NAV2: variants seen among roughly 807,000 people sequenced by gnomAD.
The protein encoded by NAV2 is neuron navigator 2.
In NAV2, 54 loss-of-function variants were observed where a neutral mutation model predicts 223.2. The observed-to-expected ratio is 0.24, with a 90% CI of 0.19 to 0.30. NAV2 has a LOEUF of 0.30. Among genes scored for constraint, NAV2 ranks in the 10% least tolerant of loss-of-function variants. The pLI, the probability that NAV2 is intolerant of heterozygous loss-of-function variation, is 1.00. For synonymous variants in NAV2, 1,279 were observed against 1,239.3 expected, an observed-to-expected ratio of 1.03 and a Z score of -0.67; for missense variants, 2,806 against 3,147.5, an observed-to-expected ratio of 0.89 and a Z score of 2.60.
At chr11:19,728,128 A>G (rs2051402710) in intron 1 of NAV2, among the ~76,000 whole-genome samples, 1 of 152,182 alleles carries the variant, frequency 6.6e-6, no homozygotes, top group African/African-American at 2.4e-5. Context: ...GTTTGCATGC[A>G]CATGCGTCGA....
At chr11:19,752,095 TCAAA>T (rs1438750469) in intron 1 of NAV2, among the ~76,000 whole-genome samples, 1 of 152,118 alleles carries the variant, frequency 6.6e-6, no homozygotes, top group Non-Finnish European at 1.5e-5. Flanking sequence ...AGATAATAGA[TCAAA>T]CATTTTCAGA....
intron 5 of NAV2, among the ~76,000 whole-genome samples, chr11:19,881,520 A>T (rs2063203814): frequency 1.3e-5 from 2 of 152,096 alleles, no homozygotes. Context: ...GTGGGGGGAA[A>T]ATATTGGGAG....
At chr11:19,886,276 G>T (rs560127627) in intron 5 of NAV2, among the ~76,000 whole-genome samples, 1 of 152,068 alleles carries the variant, frequency 6.6e-6, no homozygotes, top group African/African-American at 2.4e-5. Flanking sequence ...CTGAGCTGCC[G>T]AACCTAGAGT....
At chr11:19,500,533 T>G (rs796863844) in intron 1 of NAV2, among the ~76,000 whole-genome samples, 1 of 152,190 alleles carries the variant, frequency 6.6e-6, no homozygotes, top group Non-Finnish European at 1.5e-5. Context: ...TTTTTTAAAT[T>G]TACTTTTATC....
intron 1 of NAV2, among the ~76,000 whole-genome samples, chr11:19,650,840 T>C (rs2047951046): frequency 6.6e-6 from 1 of 152,194 alleles, no homozygotes; most frequent in African/African-American, 2.4e-5. Flanking sequence ...TACAGAATAA[T>C]TCCATCTGTA....
At chr11:19,443,467 A>C (rs1455930733) in intron 1 of NAV2, among the ~76,000 whole-genome samples, 3 of 152,188 alleles carry the variant, frequency 2.0e-5, no homozygotes, top group Non-Finnish European at 2.9e-5. Context: ...TGTCCTTGCA[A>C]ATCTTTTGCA....
chr11:19,485,475 A>T (rs1390621922), intron 1 of NAV2, among the ~76,000 whole-genome samples: 1 of 152,176 alleles, frequency 6.6e-6, no homozygotes, highest in Non-Finnish European at 1.5e-5. Flanking sequence ...TGACTGAGGG[A>T]CATTTAAAGG....
chr11:19,886,786 C>T lies in NAV2; in HGVS notation c.771-5648C>T, dbSNP rs191489806. ...GAGAGGAAGCACTGGAAGATGAGGG[C>T]GTGTCAACCCTGTCCTGAGGCTGGG... On this transcript the variant is annotated intron_variant, in intron 5 of 37. Transcript: ENST00000349880. Among the ~76,000 whole-genome samples, 202 of 152,294 alleles carry T rather than the reference C, an allele frequency of 1.3e-3. 5 individuals carry two copies. In the East Asian group the frequency reaches 0.032, roughly 24 times the overall value.
At chr11:20,012,226 A>G (rs1262188499) in intron 11 of NAV2, among the ~76,000 whole-genome samples, 1 of 152,250 alleles carries the variant, frequency 6.6e-6, no homozygotes, top group Non-Finnish European at 1.5e-5. Flanking sequence ...TTGAATGAGA[A>G]CATTTATCTT....
intron 11 of NAV2, among the ~76,000 whole-genome samples, chr11:20,018,499 T>C (rs988722803): frequency 6.6e-6 from 1 of 152,222 alleles, no homozygotes; most frequent in African/African-American, 2.4e-5. Flanking sequence ...TGTATCTTTT[T>C]TCTTATGGAG....
At position 20,044,103 on chromosome 11, in the gene NAV2, G is replaced by A; in HGVS notation, c.3030G>A (p.Arg1010=). 2.5e-6 allele frequency: 4 copies of A among 1,614,214 alleles called. No homozygotes were observed. The highest frequency in any genetic ancestry group is 3.4e-6 in the Non-Finnish European group (4 of 1,180,044). Reference sequence around the variant, plus strand: ...TGGAGCCAGGTTCCAAGTGGAGGCGGAATCCTTCTGATGTGTCTGACGAGT... The same window carrying A: ...TGGAGCCAGGTTCCAAGTGGAGGCGAAATCCTTCTGATGTGTCTGACGAGT... ...IKMEPGSKWR[R]NPSDVSDESD... is the part of the protein sequence containing the mutation. Residue 1010 remains arginine (R), a synonymous_variant, in exon 13 of 38, where the codon CGG becomes CGA. Transcript: ENST00000349880.
At chr11:20,028,822 G>A (rs2055375698) in intron 11 of NAV2, among the ~76,000 whole-genome samples, 1 of 152,136 alleles carries the variant, frequency 6.6e-6, no homozygotes, top group African/African-American at 2.4e-5. Context: ...CTCTTTCTTT[G>A]GATAAATAGC....
intron 1 of NAV2, among the ~76,000 whole-genome samples, chr11:19,675,438 AAG>A (rs2048689258): frequency 6.6e-6 from 1 of 152,160 alleles, no homozygotes; most frequent in African/African-American, 2.4e-5. Context: ...ACTCCCTGTA[AAG>A]AGTAGACACC....
chr11:19,654,461 T>C (rs1377284713), intron 1 of NAV2, among the ~76,000 whole-genome samples: 1 of 152,154 alleles, frequency 6.6e-6, no homozygotes, highest in East Asian at 1.9e-4. Context: ...AGAACAAAGC[T>C]GGAAGCATCA....
intron 11 of NAV2, among the ~76,000 whole-genome samples, chr11:20,006,343 T>C (rs1158870694): frequency 1.3e-5 from 2 of 151,914 alleles, no homozygotes; most frequent in Admixed American, 6.6e-5. Context: ...CAAAGATGTT[T>C]CTTCTGAAAA....
At chr11:19,840,846 A>G (rs1453751336) in intron 2 of NAV2, among the ~76,000 whole-genome samples, 1 of 152,212 alleles carries the variant, frequency 6.6e-6, no homozygotes, top group East Asian at 1.9e-4. Flanking sequence ...ACAAGTATTT[A>G]TTGTGTGGCT....
At chr11:19,447,266 C>T (rs1851618632) in intron 1 of NAV2, among the ~76,000 whole-genome samples, 1 of 152,224 alleles carries the variant, frequency 6.6e-6, no homozygotes, top group Admixed American at 6.5e-5. Context: ...TGGTTCTTTT[C>T]AAGATAGATT....
intron 1 of NAV2, among the ~76,000 whole-genome samples, chr11:19,540,382 C>G (rs934237391): frequency 2.0e-5 from 3 of 152,240 alleles, no homozygotes; most frequent in African/African-American, 7.2e-5. Context: ...TCCATTTATT[C>G]TCCACTTACT....
chr11:19,511,993 G>T (rs1415879382), intron 1 of NAV2, among the ~76,000 whole-genome samples: 6 of 152,210 alleles, frequency 3.9e-5, no homozygotes, highest in African/African-American at 1.4e-4. Flanking sequence ...GGGGGCTGTG[G>T]CCAGAATTCT....
Sources: gnomAD v4.1 joint callset for allele counts (sites outside exome capture counted in the v4.1 genomes callset) on GRCh38, gnomAD v4.1.1 for gene constraint, MANE v1.5 for transcripts, NCBI Gene and HGNC (gene_info 2026-07-23, HGNC 2026-07-21) for gene names.